The following CFTR variants were observed in gnomAD, a reference collection of about 807,000 sequenced individuals.
The protein encoded by CFTR is cystic fibrosis transmembrane conductance regulator.
Under a neutral mutation model 171.6 loss-of-function variants are expected in CFTR, and 181 were observed. The ratio of observed to expected loss-of-function variants is 1.05; its 90% confidence interval spans 0.93 to 1.19. The LOEUF is 1.19. Among genes scored for constraint, CFTR ranks in the 50% most tolerant of loss-of-function variants. CFTR has a pLI of 0.00. For missense variants in CFTR, 1,968 were observed against 1,734.7 expected, an observed-to-expected ratio of 1.13 and a Z score of -2.39; for synonymous variants, 583 against 608.0, an observed-to-expected ratio of 0.96 and a Z score of 0.60.
intron 18 of CFTR, among the ~76,000 whole-genome samples, chr7:117,609,976 T>C (rs1270439045): frequency 2.0e-5 from 3 of 151,884 alleles, no homozygotes; most frequent in Non-Finnish European, 4.4e-5. Flanking sequence ...AGGAATAGAA[T>C]GGGGAGAGTA....
chr7:117,667,679 A>G lies in CFTR; in HGVS notation c.*571A>G, dbSNP rs988421279. ...GTATTAGAATACCACAGGAACCACA[A>G]GACTGCACATCAAAATATGCCCCAT... On this transcript the variant is annotated 3_prime_UTR_variant, in exon 27 of 27. Coordinates refer to ENST00000003084, the MANE Select transcript of CFTR (RefSeq NM_000492.4). 3 of 180,014 alleles carry G rather than the reference A, an allele frequency of 1.7e-5. No individual in the cohort carries two copies. The highest frequency in any genetic ancestry group is 7.1e-5 in the African/African-American group (3 of 42,012). 11.2% of individuals were successfully genotyped at this position (180,014 alleles called of 1,614,324 possible). A position where few individuals can be genotyped will look rare whatever the true frequency, so the allele number is the denominator to read the frequency against.
chr7:117,559,438 C>G, intron 10 of CFTR, 26 bp from the exon 11 acceptor site: 2 of 1,463,142 alleles, frequency 1.4e-6, no homozygotes, highest in African/African-American at 2.8e-5. Flanking sequence ...TGATAATGAC[C>G]TAATAATGAT....
Position 117,622,389 on chromosome 7 carries a change from C to T in CFTR, c.3469-5133C>T, listed in dbSNP as rs575987286. Among the ~76,000 whole-genome samples, 5 of 152,118 alleles carry T rather than the reference C, an allele frequency of 3.3e-5. No individual in the cohort carries two copies. The East Asian group carries it at 5.8e-4, about 18-fold the overall frequency. ...GTCTTGGGTGTCAGGTCTGTGTTAGCGAGTATTGAAAAGCATAGTTTTTGC... is the reference window on the plus strand; with the variant it reads ...GTCTTGGGTGTCAGGTCTGTGTTAGTGAGTATTGAAAAGCATAGTTTTTGC... On this transcript the variant is annotated intron_variant, in intron 21 of 26. Coordinates refer to ENST00000003084, the MANE Select transcript of CFTR (RefSeq NM_000492.4).
intron 11 of CFTR, among the ~76,000 whole-genome samples, chr7:117,578,135 A>G (rs1791797895): frequency 6.6e-6 from 1 of 152,094 alleles, no homozygotes; most frequent in South Asian, 2.1e-4. Context: ...AAGTTATTGT[A>G]CAGTTGACCT....
chr7:117,627,965 T>A (rs1165847856), intron 22 of CFTR, 195 bp downstream of exon 22: 3 of 564,532 alleles, frequency 5.3e-6, no homozygotes, highest in Non-Finnish European at 9.3e-6. Context: ...TGAACCTATA[T>A]AATGGGTTTA....
chr7:117,538,870 A>G (rs888586457), intron 7 of CFTR, among the ~76,000 whole-genome samples: 2 of 152,244 alleles, frequency 1.3e-5, no homozygotes, highest in Non-Finnish European at 2.9e-5. Flanking sequence ...ACGGAATTGC[A>G]ATCCGGGTTG....
intron 22 of CFTR, among the ~76,000 whole-genome samples, chr7:117,641,522 G>A (rs140122328): frequency 9.2e-5 from 14 of 152,268 alleles, no homozygotes; most frequent in African/African-American, 2.9e-4. Flanking sequence ...AACAAATTAT[G>A]TAAGGAGAAG....
At chr7:117,514,756 C>T (rs1798572804) in intron 3 of CFTR, among the ~76,000 whole-genome samples, 1 of 152,152 alleles carries the variant, frequency 6.6e-6, no homozygotes, top group Non-Finnish European at 1.5e-5. Context: ...AATGGTTGAA[C>T]TAATTTACAC....
chr7:117,483,391 G>T (rs1160021492), intron 1 of CFTR, among the ~76,000 whole-genome samples: 1 of 151,798 alleles, frequency 6.6e-6, no homozygotes, highest in Non-Finnish European at 1.5e-5. Flanking sequence ...ACCCAGACTG[G>T]TCTCTTGGAC....
intron 22 of CFTR, among the ~76,000 whole-genome samples, chr7:117,634,445 T>TTC (rs1330673567): frequency 6.6e-6 from 1 of 152,068 alleles, no homozygotes. Flanking sequence ...TTTTGTTTTA[T>TTC]TGATTTTCTC....
chr7:117,584,135 G>A (rs373017776), intron 11 of CFTR, among the ~76,000 whole-genome samples: 1 of 152,012 alleles, frequency 6.6e-6, no homozygotes, highest in African/African-American at 2.4e-5. Context: ...TGTTTACCAT[G>A]CTAATTATTT....
chr7:117,622,460 T>C (rs1287051610), intron 21 of CFTR, among the ~76,000 whole-genome samples: 3 of 152,204 alleles, frequency 2.0e-5, no homozygotes, highest in African/African-American at 4.8e-5. Context: ...TCTCCCCTTT[T>C]ATGTACTTCA....
intron 2 of CFTR, among the ~76,000 whole-genome samples, chr7:117,508,659 A>T (rs1798461348): frequency 6.6e-6 from 1 of 152,234 alleles, no homozygotes; most frequent in South Asian, 2.1e-4. Context: ...GGTATAAGGG[A>T]AAAATGTAGA....
At chr7:117,633,735 G>A (rs913610983) in intron 22 of CFTR, among the ~76,000 whole-genome samples, 1 of 151,364 alleles carries the variant, frequency 6.6e-6, no homozygotes, top group African/African-American at 2.4e-5. Flanking sequence ...TTTGTGAAAT[G>A]CTTTTCTGCA....
intron 18 of CFTR, 93 bp from the exon 19 acceptor site, chr7:117,610,426 A>G: frequency 7.6e-6 from 1 of 131,694 alleles, no homozygotes; most frequent in Non-Finnish European, 1.1e-5. Flanking sequence ...TAAAGTATGC[A>G]AAAAAAAAAA....
intron 21 of CFTR, among the ~76,000 whole-genome samples, chr7:117,623,096 G>A (rs1329173562): frequency 6.6e-6 from 1 of 152,136 alleles, no homozygotes; most frequent in East Asian, 1.9e-4. Flanking sequence ...ACCAGATCAT[G>A]ATCCTTAAGA....
At chr7:117,621,768 T>C (rs1584827867) in intron 21 of CFTR, among the ~76,000 whole-genome samples, 1 of 152,212 alleles carries the variant, frequency 6.6e-6, no homozygotes, top group African/African-American at 2.4e-5. Context: ...CAGTGGAAGC[T>C]ACATAGATCC....
chr7:117,625,576 T>C (rs1398567297), intron 21 of CFTR, among the ~76,000 whole-genome samples: 1 of 152,178 alleles, frequency 6.6e-6, no homozygotes, highest in Non-Finnish European at 1.5e-5. Context: ...TTTTGTTATA[T>C]AGTGTCTTTC....
chr7:117,491,576 A>C (rs558234616), intron 1 of CFTR, among the ~76,000 whole-genome samples: 1 of 152,156 alleles, frequency 6.6e-6, no homozygotes, highest in East Asian at 1.9e-4. Context: ...GTGGTTTGCT[A>C]GAAATCCTTG....
Sources: allele counts gnomAD v4.1 joint callset (sites outside exome capture counted in the v4.1 genomes callset), GRCh38; gene constraint gnomAD v4.1.1; transcripts MANE v1.5; gene names NCBI Gene and HGNC (gene_info 2026-07-23, HGNC 2026-07-21).